Variants in MPPED2 observed in about 807,000 individuals in gnomAD.
MPPED2 encodes the protein metallophosphoesterase domain containing 2.
Under a neutral mutation model 33.0 loss-of-function variants are expected in MPPED2, and 5 were observed. The ratio of observed to expected loss-of-function variants is 0.15; its 90% CI spans 0.08 to 0.32. The LOEUF (loss-of-function observed/expected upper bound fraction) is 0.32, where lower values mean the gene tolerates loss of function less well. MPPED2 is among the 10% of genes least tolerant of loss of function. The pLI is 1.00. For synonymous variants in MPPED2, 136 were observed against 141.9 expected (o/e 0.96, Z 0.29); for missense variants, 275 against 372.1 (o/e 0.74, Z 2.15).
chr11:30,419,170 G>T (rs1362422189), intron 4 of MPPED2, among the ~76,000 whole-genome samples: 4 of 152,106 alleles, frequency 2.6e-5, no homozygotes, highest in Admixed American at 6.6e-5. Context: ...CCCTTTATTT[G>T]TATTAACTCA....
intron 1 of MPPED2, among the ~76,000 whole-genome samples, chr11:30,580,816 G>A (rs141131045): frequency 2.9e-3 from 441 of 152,318 alleles, no homozygotes; most frequent in African/African-American, 8.1e-3. Flanking sequence ...GCTATACATG[G>A]TTTGTGCTCC....
intron 2 of MPPED2, among the ~76,000 whole-genome samples, chr11:30,566,479 C>T (rs1208330772): frequency 6.6e-6 from 1 of 152,104 alleles, no homozygotes; most frequent in African/African-American, 2.4e-5. Flanking sequence ...GAGCTTCATC[C>T]AGCTCCATCC....
Position 30,410,526 on chromosome 11 carries a change from A to T in MPPED2, c.*942T>A, listed in dbSNP as rs1195091450. ...ATTTTAGTTAGCTTCCATTGCATCCATTTAAGTCTATACATGCCTGTAACT... is the reference window on the plus strand; with the variant it reads ...ATTTTAGTTAGCTTCCATTGCATCCTTTTAAGTCTATACATGCCTGTAACT... On this transcript the variant is annotated 3_prime_UTR_variant, in exon 7 of 7. Transcript: ENST00000358117. 2 of 985,616 alleles carry T rather than the reference A, an allele frequency of 2.0e-6. No homozygotes were observed. The highest frequency in any genetic ancestry group is 2.4e-6 in the Non-Finnish European group (2 of 829,934). The allele number at this position is 985,616 out of a possible 1,614,324, so 61.1% of individuals were successfully genotyped here.
At chr11:30,398,452 A>G (rs1947865178) in intron 6 of MPPED2, among the ~76,000 whole-genome samples, 1 of 152,070 alleles carries the variant, frequency 6.6e-6, no homozygotes, top group Non-Finnish European at 1.5e-5. Flanking sequence ...CATTCACTAG[A>G]AGAAAGCTGA....
intron 2 of MPPED2, among the ~76,000 whole-genome samples, chr11:30,545,183 C>A (rs926036686): frequency 6.6e-6 from 1 of 152,092 alleles, no homozygotes; most frequent in South Asian, 2.1e-4. Flanking sequence ...CAGAGGGCCA[C>A]AGGGAAAGCT....
intron 1 of MPPED2, among the ~76,000 whole-genome samples, chr11:30,582,471 G>A (rs1298634803): frequency 6.6e-6 from 1 of 152,124 alleles, no homozygotes; most frequent in African/African-American, 2.4e-5. Context: ...AGAAGCAAAG[G>A]AAATCAAATT....
chr11:30,580,135 A>G, intron 2 of MPPED2, 111 bp downstream of exon 2: 4 of 1,076,170 alleles, frequency 3.7e-6, no homozygotes, highest in Non-Finnish European at 5.4e-6. Context: ...TCTGATTTGT[A>G]AATCATTTAC....
intron 4 of MPPED2, among the ~76,000 whole-genome samples, chr11:30,455,394 T>A (rs951615359): frequency 9.9e-5 from 15 of 152,222 alleles, no homozygotes; most frequent in African/African-American, 3.6e-4. Flanking sequence ...CAAGCAATTA[T>A]CATGGAAAAG....
At chr11:30,422,435 T>TTGTGAGGGACCAAGTCTAG (rs1948653060) in intron 4 of MPPED2, among the ~76,000 whole-genome samples, 1 of 152,150 alleles carries the variant, frequency 6.6e-6, no homozygotes. Flanking sequence ...CCTAAACTGC[T>TTGTGAGGGACCAAGTCTAG]TGTGAGGGAC....
At chr11:30,509,034 T>C (rs529712554) in intron 3 of MPPED2, among the ~76,000 whole-genome samples, 1 of 152,216 alleles carries the variant, frequency 6.6e-6, no homozygotes, top group Non-Finnish European at 1.5e-5. Context: ...AGCGAAGACC[T>C]CAATTTTGGC....
At chr11:30,452,851 A>G (rs563378952) in intron 4 of MPPED2, among the ~76,000 whole-genome samples, 1 of 152,232 alleles carries the variant, frequency 6.6e-6, no homozygotes, top group Admixed American at 6.5e-5. Flanking sequence ...TGCAAAAAGG[A>G]TGGTGGAAAC....
intron 3 of MPPED2, among the ~76,000 whole-genome samples, chr11:30,511,511 G>T (rs959874689): frequency 2.0e-5 from 3 of 152,178 alleles, no homozygotes; most frequent in Non-Finnish European, 4.4e-5. Context: ...TTTTCTGTCT[G>T]TCTAGCCCTT....
chr11:30,424,526 A>G (rs889233295), intron 4 of MPPED2, among the ~76,000 whole-genome samples: 1 of 152,128 alleles, frequency 6.6e-6, no homozygotes, highest in Non-Finnish European at 1.5e-5. Flanking sequence ...AGCTGTCATG[A>G]TAATTCTTGA....
intron 4 of MPPED2, among the ~76,000 whole-genome samples, chr11:30,443,516 G>A (rs964866080): frequency 1.3e-5 from 2 of 152,096 alleles, no homozygotes; most frequent in African/African-American, 4.8e-5. Context: ...GAGAAGACGG[G>A]GCAGGGATTG....
chr11:30,580,807 C>CTA (rs1564918050), intron 1 of MPPED2, among the ~76,000 whole-genome samples: 1 of 152,188 alleles, frequency 6.6e-6, no homozygotes, highest in African/African-American at 2.4e-5. Context: ...TGGCATCTGG[C>CTA]TATACATGGT....
At chr11:30,534,139 G>A (rs759310856) in intron 3 of MPPED2, among the ~76,000 whole-genome samples, 156 of 152,298 alleles carry the variant, frequency 1.0e-3, no homozygotes, top group Non-Finnish European at 1.9e-3. Flanking sequence ...GTTTCCCAAG[G>A]TCAGTGGCTA....
At chr11:30,444,450 AT>A (rs59838605) in intron 4 of MPPED2, among the ~76,000 whole-genome samples, 31,240 of 139,382 alleles carry the variant, frequency 0.22, 3,838 homozygotes, top group African/African-American at 0.37. Context: ...ACATCATTCT[AT>A]TTTTTTTTTT....
At chr11:30,577,902 T>A (rs568033387) in intron 2 of MPPED2, among the ~76,000 whole-genome samples, 2 of 152,226 alleles carry the variant, frequency 1.3e-5, no homozygotes, top group Admixed American at 6.5e-5. Flanking sequence ...AATTGACCAG[T>A]GTTTTTGAGC....
At chr11:30,536,862 C>T (rs1255434937) in intron 2 of MPPED2, among the ~76,000 whole-genome samples, 1 of 151,922 alleles carries the variant, frequency 6.6e-6, no homozygotes, top group Admixed American at 6.6e-5. Flanking sequence ...TATCTGCAGT[C>T]CCAGTTACAC....
Sources: allele counts gnomAD v4.1 joint callset (sites outside exome capture counted in the v4.1 genomes callset), GRCh38; gene constraint gnomAD v4.1.1; transcripts MANE v1.5; gene names NCBI Gene and HGNC (gene_info 2026-07-23, HGNC 2026-07-21).